The following UBA3 variants were observed in gnomAD, a reference collection of about 807,000 sequenced individuals.
UBA3 encodes the protein ubiquitin like modifier activating enzyme 3.
In UBA3, 26 loss-of-function variants were observed where a neutral mutation model predicts 73.5. The ratio of observed to expected loss-of-function variants is 0.35; its 90% CI spans 0.26 to 0.49. The LOEUF (loss-of-function observed/expected upper bound fraction) is 0.49. Ranked by LOEUF, UBA3 falls within the 20% of genes least tolerant of loss-of-function variation. The probability of loss-of-function intolerance (pLI) is 0.98; values close to 1 mark genes in which losing one functional copy is unlikely to be tolerated. For missense variants in UBA3, 495 were observed against 555.6 expected, an observed-to-expected ratio of 0.89 and a Z score of 1.10; for synonymous variants, 217 against 191.2, an observed-to-expected ratio of 1.13 and a Z score of -1.11.
At chr3:69,068,593 TTTTGAGACGGAG>T (rs954601585) in intron 5 of UBA3, among the ~76,000 whole-genome samples, 2 of 152,258 alleles carry the variant, frequency 1.3e-5, no homozygotes, top group Non-Finnish European at 2.9e-5. Flanking sequence ...TCTTTTTTCT[TTTTGAGACGGAG>T]TCTCACTCAC....
Position 69,063,495 on chromosome 3 carries a change from T to C in UBA3, c.481A>G (p.Ile161Val), listed in dbSNP as rs376414558. 27 of 1,513,692 alleles carry C rather than the reference T, an allele frequency of 1.8e-5. No homozygotes were observed. Among genetic ancestry groups the C allele is most frequent in the Admixed American group, 2.4e-5 (1 of 41,990 alleles). 93.8% of individuals were successfully genotyped at this position (1,513,692 alleles called of 1,614,324 possible). A position where few individuals can be genotyped will look rare whatever the true frequency, so the allele number is the denominator to read the frequency against. The stretch of plus-strand genomic sequence containing the variant: ...ATAGAGTCCAGTCCACATACAATAA[T>C]ATGAAATTCTACAAAAAAAAAAAAA... The part of the protein sequence containing the change: ...FNDTFYRQFH[I>V]IVCGLDSIIA... The change falls in exon 8 of 18, where the codon ATT (isoleucine) becomes GTT (valine). Residue 161 changes from isoleucine to valine, a missense_variant. By Grantham distance (29) the Ile-to-Val change is conservative (BLOSUM62 3). Coordinates refer to ENST00000361055, the MANE Select transcript of UBA3 (RefSeq NM_003968.4).
Position 69,080,350 on chromosome 3 carries a change from C to A in UBA3, c.4G>T (p.Ala2Ser). M[A>S]DGEEPEKKRR... ...GGTACTTACGGCTCCTCGCCATCCG[C>A]CATATTGTTCTCCGCCTCTTCCCAG... Residue 2 changes from alanine (A) to serine (S), a missense_variant, in exon 1 of 18, where the codon GCG becomes TCG. Physicochemically the swap from Ala to Ser is moderately conservative, Grantham distance 99. Coordinates refer to ENST00000361055, the MANE Select transcript of UBA3 (RefSeq NM_003968.4). 1.2e-6 allele frequency: 2 copies of A among 1,600,748 alleles called. No individual in the cohort carries two copies. Among genetic ancestry groups the A allele is most frequent in the Non-Finnish European group, 1.7e-6 (2 of 1,175,802 alleles).
At chr3:69,076,600 C>G (rs1266795365) in intron 3 of UBA3, 1 of 151,826 alleles carries the variant, frequency 6.6e-6, no homozygotes, top group Admixed American at 6.6e-5. Context: ...CAGGGTCTCA[C>G]TGTGTCACCC....
chr3:69,057,205 C>A, intron 12 of UBA3, 51 bp downstream of exon 12: 1 of 1,582,122 alleles, frequency 6.3e-7, no homozygotes, highest in Non-Finnish European at 8.6e-7. Flanking sequence ...GCAGCAACGT[C>A]AAAAACTAAA....
rs990477255 is a variant in UBA3 at position 69,070,534 on chromosome 3, T to C, written c.347+1001A>G. On this transcript the variant is annotated intron_variant, in intron 5 of 17. Transcript: ENST00000361055. ...GTCCTTATCTCTGTGTATCTTTGACTAACAAATATACACTTTTACCTAAAC... is the reference window on the plus strand; with the variant it reads ...GTCCTTATCTCTGTGTATCTTTGACCAACAAATATACACTTTTACCTAAAC... Among the ~76,000 whole-genome samples, 6 of 152,210 alleles carry C rather than the reference T, an allele frequency of 3.9e-5. No homozygotes were observed. In the East Asian group the frequency reaches 1.2e-3, roughly 29 times the overall value.
Position 69,077,889 on chromosome 3 carries a change from G to A in UBA3, c.92C>T (p.Thr31Ile). The A allele has an allele frequency of 6.2e-7, 1 of 1,614,088 alleles. No homozygotes were observed. Residue 31 changes from threonine to isoleucine, a missense_variant, in exon 3 of 18, where the codon ACT becomes ATT. Transcript: ENST00000361055. ...KMAVDGGCGD[T>I]GDWEGRWNHV... ...GTTCCAGCGACCTTCCCAGTCTCCA[G>A]TGTCCCCACACCCACCATCAACAGC...
At chr3:69,061,718 TG>T (rs1174089022) in intron 11 of UBA3, 95 bp downstream of exon 11, 1 of 683,144 alleles carries the variant, frequency 1.5e-6, no homozygotes, top group Non-Finnish European at 2.5e-6. Context: ...TTCAAGTGGA[TG>T]GTACTGTCTA....
intron 17 of UBA3, 59 bp from the exon 18 acceptor site, chr3:69,055,584 C>T (rs2091965992): frequency 7.1e-6 from 9 of 1,270,102 alleles, no homozygotes; most frequent in Admixed American, 4.6e-5. Context: ...AAGGATAATA[C>T]ACATGTAAAC....
In UBA3 at chr3:69,055,235, A is replaced by G; in HGVS notation, c.*202T>C. On this transcript the variant is annotated 3_prime_UTR_variant, in exon 18 of 18. Coordinates refer to ENST00000361055, the MANE Select transcript of UBA3 (RefSeq NM_003968.4). The stretch of plus-strand genomic sequence containing the variant: ...TCTCTCTCTCCAGGTATCATTTCTC[A>G]TATTATTAATGAAAATGCTTACAAG... 1 of 376,444 alleles carries G rather than the reference A, an allele frequency of 2.7e-6. No homozygotes were observed. Among genetic ancestry groups the G allele is most frequent in the Non-Finnish European group, 4.8e-6 (1 of 207,624 alleles). The allele number at this position is 376,444 out of a possible 1,614,324, so 23.3% of individuals were successfully genotyped here. A position where few individuals can be genotyped will look rare whatever the true frequency, so the allele number is the denominator to read the frequency against.
chr3:69,080,246 G>A, intron 1 of UBA3, 88 bp downstream of exon 1: 1 of 1,541,290 alleles, frequency 6.5e-7, no homozygotes, highest in Non-Finnish European at 8.8e-7. Flanking sequence ...GGGGTGTGGG[G>A]ACCCCGGGTG....
intron 1 of UBA3, 25 bp downstream of exon 1, chr3:69,080,309 G>C (rs747701296): frequency 6.2e-7 from 1 of 1,603,930 alleles, no homozygotes; most frequent in Non-Finnish European, 8.5e-7. Flanking sequence ...CCAGCCCGGC[G>C]CGTCTGCAGA....
chr3:69,071,693 T>A, intron 4 of UBA3, 76 bp from the exon 5 acceptor site: 1 of 875,088 alleles, frequency 1.1e-6, no homozygotes, highest in Non-Finnish European at 1.7e-6. Context: ...TTCAATGTAG[T>A]CTTAAGTCTA....
Position 69,060,548 on chromosome 3 carries a change from G to A in UBA3, c.910+1266C>T, listed in dbSNP as rs183720620. Among the ~76,000 whole-genome samples the A allele has an allele frequency of 2.0e-5, 3 of 152,300 alleles. No homozygotes were observed. In the East Asian group the frequency reaches 5.8e-4, roughly 29 times the overall value. ...ATGTTGGCCTGAACAATTAGGAAAAGTTGTTTTCTCTAACTATATTCCAGT... is the reference window on the plus strand; with the variant it reads ...ATGTTGGCCTGAACAATTAGGAAAAATTGTTTTCTCTAACTATATTCCAGT... On this transcript the variant is annotated intron_variant, in intron 11 of 17. Transcript: ENST00000361055.
At chr3:69,072,487 T>C (rs1222228056) in intron 4 of UBA3, among the ~76,000 whole-genome samples, 1 of 152,226 alleles carries the variant, frequency 6.6e-6, no homozygotes, top group African/African-American at 2.4e-5. Flanking sequence ...TGACCAATTC[T>C]CAATCTATCT....
At chr3:69,057,811 C>T (rs2091986441) in intron 11 of UBA3, among the ~76,000 whole-genome samples, 2 of 151,642 alleles carry the variant, frequency 1.3e-5, no homozygotes, top group Admixed American at 1.3e-4. Context: ...GCTTCAGTCA[C>T]TTGATTCACA....
At chr3:69,069,318 TTTTTC>T (rs1421214825) in intron 5 of UBA3, among the ~76,000 whole-genome samples, 13 of 152,108 alleles carry the variant, frequency 8.5e-5, no homozygotes, top group African/African-American at 3.1e-4. Flanking sequence ...AGCATGTCAA[TTTTTC>T]TTTTCTTTTT....
intron 2 of UBA3, 156 bp downstream of exon 2, chr3:69,079,956 G>A (rs1037213183): frequency 1.3e-5 from 8 of 638,338 alleles, no homozygotes; most frequent in Non-Finnish European, 1.8e-5. Flanking sequence ...AGGCCCCCGG[G>A]GCTGCGGGGC....
intron 4 of UBA3, 95 bp downstream of exon 4, chr3:69,075,335 A>T: frequency 1.9e-6 from 1 of 515,378 alleles, no homozygotes; most frequent in Non-Finnish European, 2.9e-6. Flanking sequence ...AGAAAAGGTT[A>T]AGAATCACGA....
Position 69,071,743 on chromosome 3 carries a change from T to C in UBA3, c.265-126A>G, listed in dbSNP as rs370835422. On this transcript the variant is annotated intron_variant, in intron 4 of 17. Transcript: ENST00000361055. ...TAAATTCTGTGTAATTTGTATTCAA[T>C]GGCTGAAAGACTCTTGCAAGGTATA... 1.4e-4 allele frequency: 78 copies of C among 575,592 alleles called. 4 individuals are homozygous for C. The South Asian group carries it at 1.8e-3, about 13-fold the overall frequency. 35.7% of individuals were successfully genotyped at this position (575,592 alleles called of 1,614,324 possible). A position where few individuals can be genotyped will look rare whatever the true frequency, so the allele number is the denominator to read the frequency against.
Sources: allele counts gnomAD v4.1 joint callset (sites outside exome capture counted in the v4.1 genomes callset), GRCh38; gene constraint gnomAD v4.1.1; transcripts MANE v1.5; gene names NCBI Gene and HGNC (gene_info 2026-07-23, HGNC 2026-07-21).